The following SLC39A11 variants were observed in gnomAD, a reference collection of about 807,000 sequenced individuals.
SLC39A11 encodes the protein zinc transporter ZIP11.
Under a neutral mutation model 36.1 loss-of-function variants are expected in SLC39A11, and 33 were observed. The observed-to-expected ratio is 0.91, with a 90% CI of 0.69 to 1.22. The LOEUF is 1.22. SLC39A11 is among the 50% of genes most tolerant of loss of function. SLC39A11 has a pLI of 0.00. For synonymous variants in SLC39A11, 166 were observed against 170.3 expected (o/e 0.97, Z 0.20); for missense variants, 432 against 430.3 (o/e 1.00, Z -0.03).
At chr17:72,676,636 G>C (rs1017898823) in intron 7 of SLC39A11, among the ~76,000 whole-genome samples, 9 of 152,132 alleles carry the variant, frequency 5.9e-5, no homozygotes, top group African/African-American at 2.2e-4. Flanking sequence ...CTGGGAACTT[G>C]AATGGTAAAC....
At chr17:72,732,996 C>T (rs951430145) in intron 7 of SLC39A11, among the ~76,000 whole-genome samples, 3 of 152,204 alleles carry the variant, frequency 2.0e-5, no homozygotes, top group Non-Finnish European at 4.4e-5. Context: ...CACGCAAGTT[C>T]CTGGACCAGT....
At chr17:72,956,493 A>C (rs2086255061) in intron 4 of SLC39A11, among the ~76,000 whole-genome samples, 1 of 152,198 alleles carries the variant, frequency 6.6e-6, no homozygotes, top group Admixed American at 6.5e-5. Context: ...AGTTTTCCAA[A>C]GCATTATGCT....
chr17:72,927,396 A>G (rs1467668931), intron 5 of SLC39A11, among the ~76,000 whole-genome samples: 1 of 152,190 alleles, frequency 6.6e-6, no homozygotes, highest in Non-Finnish European at 1.5e-5. Flanking sequence ...TCACTGAAGC[A>G]TTTCCAAGCC....
At chr17:72,931,168 A>G (rs948817441) in intron 5 of SLC39A11, among the ~76,000 whole-genome samples, 2 of 152,190 alleles carry the variant, frequency 1.3e-5, no homozygotes, top group Admixed American at 6.6e-5. Flanking sequence ...AGGCCCAAAA[A>G]GAGAGGTACA....
At chr17:72,861,657 TTATATA>T (rs373265286) in intron 5 of SLC39A11, among the ~76,000 whole-genome samples, 1,424 of 50,940 alleles carry the variant, frequency 0.028, 57 homozygotes, top group South Asian at 0.076. Context: ...ATACAACACA[TTATATA>T]TATATATATA....
chr17:72,648,728 G>A (rs2069699938), intron 9 of SLC39A11, 75 bp downstream of exon 9: 4 of 1,569,158 alleles, frequency 2.5e-6, no homozygotes, highest in East Asian at 2.3e-5. Flanking sequence ...GGCAAATGAA[G>A]AAAGAGCATA....
chr17:73,031,888 C>T (rs570977804), intron 3 of SLC39A11, among the ~76,000 whole-genome samples, 174 bp from the exon 4 acceptor site: 4 of 152,114 alleles, frequency 2.6e-5, no homozygotes, highest in Non-Finnish European at 5.9e-5. Flanking sequence ...CCAGAATTCC[C>T]GGAGCTTACT....
At chr17:72,969,785 G>A (rs557209167) in intron 4 of SLC39A11, among the ~76,000 whole-genome samples, 12 of 152,314 alleles carry the variant, frequency 7.9e-5, no homozygotes, top group African/African-American at 2.4e-4. Context: ...GGGTGGCAGA[G>A]AGCTTGTTGG....
chr17:72,969,006 A>G (rs980005762), intron 4 of SLC39A11, among the ~76,000 whole-genome samples: 1 of 151,976 alleles, frequency 6.6e-6, no homozygotes, highest in Non-Finnish European at 1.5e-5. Context: ...TGGGAAGCCA[A>G]TGCCATCAAA....
intron 3 of SLC39A11, among the ~76,000 whole-genome samples, chr17:73,073,053 G>A (rs529142315): frequency 1.1e-3 from 160 of 152,292 alleles, no homozygotes; most frequent in African/African-American, 3.5e-3. Flanking sequence ...GGTGGCAGGC[G>A]TCTGTAAGCC....
At chr17:72,666,629 T>C (rs1052973925) in intron 7 of SLC39A11, among the ~76,000 whole-genome samples, 4 of 152,222 alleles carry the variant, frequency 2.6e-5, no homozygotes, top group African/African-American at 9.6e-5. Flanking sequence ...CCTTGGGGCA[T>C]GTGGCCCAAG....
chr17:72,805,361 T>C (rs955131283), intron 6 of SLC39A11, among the ~76,000 whole-genome samples: 2 of 152,144 alleles, frequency 1.3e-5, no homozygotes, highest in African/African-American at 4.8e-5. Context: ...TGCCCCTGCT[T>C]GGAATGCATC....
intron 7 of SLC39A11, among the ~76,000 whole-genome samples, chr17:72,731,615 T>A (rs2074218906): frequency 6.6e-6 from 1 of 152,070 alleles, no homozygotes; most frequent in Admixed American, 6.6e-5. Context: ...GTAGAGAGAG[T>A]TCCTGTGTAC....
chr17:72,933,917 A>T (rs970734609), intron 5 of SLC39A11, among the ~76,000 whole-genome samples: 17 of 152,224 alleles, frequency 1.1e-4, no homozygotes, highest in African/African-American at 3.1e-4. Context: ...AAGGGTCCAA[A>T]AACAGAACCA....
chr17:72,740,210 C>G (rs541996925), intron 6 of SLC39A11, among the ~76,000 whole-genome samples: 10 of 151,492 alleles, frequency 6.6e-5, no homozygotes, highest in Admixed American at 5.3e-4. Context: ...CTACAGGCGC[C>G]CGCCACCACG....
intron 6 of SLC39A11, among the ~76,000 whole-genome samples, chr17:72,783,143 G>A (rs574593289): frequency 6.6e-5 from 10 of 151,884 alleles, no homozygotes; most frequent in African/African-American, 2.2e-4. Flanking sequence ...TCACCAGAAA[G>A]CAGATTCTCA....
chr17:73,035,957 T>C lies in SLC39A11; in HGVS notation c.148-4243A>G, dbSNP rs1192570751. 4.0e-5 allele frequency among the ~76,000 whole-genome samples: 6 copies of C among 150,288 alleles called. No individual in the cohort carries two copies. The South Asian group carries it at 8.5e-4, about 21-fold the overall frequency. On this transcript the variant is annotated intron_variant, in intron 3 of 9. Coordinates refer to ENST00000255559, the MANE Select transcript of SLC39A11 (RefSeq NM_139177.4). ...CTATAGTCAGAAAGAGATTGAAAGA[T>C]GCCATGCTGCTGGCTTGAGGATGAA...
intron 4 of SLC39A11, among the ~76,000 whole-genome samples, chr17:72,989,008 CGA>C (rs370995227): frequency 2.0e-4 from 30 of 152,136 alleles, no homozygotes; most frequent in African/African-American, 6.8e-4. Flanking sequence ...GTCAGGAGTT[CGA>C]GACCAGCCTG....
intron 6 of SLC39A11, among the ~76,000 whole-genome samples, chr17:72,758,112 C>T (rs1433746445): frequency 6.6e-6 from 1 of 152,104 alleles, no homozygotes; most frequent in Non-Finnish European, 1.5e-5. Context: ...TTTGGAACTC[C>T]TGACCTCAGG....
Sources: gnomAD v4.1 joint callset for allele counts (sites outside exome capture counted in the v4.1 genomes callset) on GRCh38, gnomAD v4.1.1 for gene constraint, MANE v1.5 for transcripts, NCBI Gene and HGNC (gene_info 2026-07-23, HGNC 2026-07-21) for gene names.